The following SLC29A1 variants were observed in gnomAD, a reference collection of about 807,000 sequenced individuals.
SLC29A1 encodes the protein solute carrier family 29 member 1 (Augustine blood group), also known as equilibrative nucleoside transporter 1.
SLC29A1 carries 22 observed loss-of-function variants against 48.3 expected under a neutral mutation model. That is an observed-to-expected ratio of 0.46 (90% CI 0.33 to 0.65). SLC29A1 has a LOEUF of 0.65. Among genes scored for constraint, SLC29A1 ranks in the 30% least tolerant of loss-of-function variants. The probability of loss-of-function intolerance (pLI) is 0.03; values close to 1 mark genes in which losing one functional copy is unlikely to be tolerated. For missense variants in SLC29A1, 491 were observed against 575.3 expected, an observed-to-expected ratio of 0.85 and a Z score of 1.50; for synonymous variants, 228 against 231.0, an observed-to-expected ratio of 0.99 and a Z score of 0.12.
At chr6:44,231,191 G>A (rs190261372) in intron 8 of SLC29A1, among the ~76,000 whole-genome samples, 173 bp from the exon 9 acceptor site, 9 of 152,260 alleles carry the variant, frequency 5.9e-5, no homozygotes, top group African/African-American at 1.2e-4. Context: ...CCAGGCCCCC[G>A]GGTCTTGAGT....
At chr6:44,227,829 G>A (rs910422431) in intron 2 of SLC29A1, among the ~76,000 whole-genome samples, 1 of 152,210 alleles carries the variant, frequency 6.6e-6, no homozygotes, top group Non-Finnish European at 1.5e-5. Context: ...AGAAGAGGCT[G>A]TAGCTTAATT....
rs1174985797 is a variant in SLC29A1, at chr6:44,232,615, G to T, written c.1059+187G>T. On this transcript the variant is annotated intron_variant, in intron 11 of 12. Transcript: ENST00000371755. This position sits in a 1 kb window ranked among gnomAD's most constrained non-coding sequence, Gnocchi z 4.7. ...TGAATATATGTATATACACATACCTGCCCAGATCGAGATGTAGAATATTTC... is the reference window on the plus strand; with the variant it reads ...TGAATATATGTATATACACATACCTTCCCAGATCGAGATGTAGAATATTTC... The T allele has an allele frequency of 1.7e-4, 109 of 643,854 alleles. No homozygotes were observed. Among genetic ancestry groups the T allele is most frequent in the Non-Finnish European group, 2.5e-4 (94 of 369,974 alleles). The allele number at this position is 643,854 out of a possible 1,614,324, so 39.9% of individuals were successfully genotyped here. A position where few individuals can be genotyped will look rare whatever the true frequency, so the allele number is the denominator to read the frequency against.
chr6:44,231,669 C>T (rs1778923230), intron 9 of SLC29A1, among the ~76,000 whole-genome samples: 1 of 152,068 alleles, frequency 6.6e-6, no homozygotes, highest in Admixed American at 6.6e-5. Flanking sequence ...ACACTTGTTG[C>T]CCAGGCTGGA....
chr6:44,227,912 C>T (rs978443916), intron 2 of SLC29A1, among the ~76,000 whole-genome samples: 17 of 152,328 alleles, frequency 1.1e-4, no homozygotes, highest in Non-Finnish European at 1.6e-4. Context: ...TCCTTCAAAG[C>T]GTCAGGCTCT....
chr6:44,221,754 C>A, upstream of SLC29A1: 1 of 742,682 alleles, frequency 1.3e-6, no homozygotes, highest in Non-Finnish European at 2.0e-6. This position sits in a 1 kb window ranked among gnomAD's most constrained non-coding sequence, Gnocchi z 4.2. Flanking sequence ...TGGGAGGTGG[C>A]TACAGAGGGG....
chr6:44,231,278 G>A (rs748883987), intron 8 of SLC29A1, 86 bp from the exon 9 acceptor site: 95 of 899,082 alleles, frequency 1.1e-4, no homozygotes, highest in Middle Eastern at 6.6e-4. Flanking sequence ...CTACTTTCAA[G>A]TAATCCCAGC....
intron 8 of SLC29A1, 29 bp from the exon 9 acceptor site, chr6:44,231,335 A>G (rs1343417239): frequency 2.1e-6 from 3 of 1,447,452 alleles, no homozygotes; most frequent in African/African-American, 1.4e-5. Context: ...TGTCTTCCCC[A>G]CAACTTGGAG....
At chr6:44,230,266 G>T in intron 5 of SLC29A1, 81 bp from the exon 6 acceptor site, 2 of 1,562,578 alleles carry the variant, frequency 1.3e-6, no homozygotes, top group South Asian at 1.2e-5. Context: ...GAGTAAAGTA[G>T]GAATGACAGG....
Position 44,230,571 on chromosome 6 carries a change from G to T in SLC29A1, c.593G>T (p.Gly198Val). ...SVAMICAIAS[G>V]SELSESAFGY... ...CTGATCACTGACACCACCCCAGGTGGCTCGGAGCTATCAGAAAGTGCCTTC... is the reference window on the plus strand; with the variant it reads ...CTGATCACTGACACCACCCCAGGTGTCTCGGAGCTATCAGAAAGTGCCTTC... Residue 198 changes from glycine to valine, a missense_variant, in exon 7 of 13, where the codon GGC becomes GTC. Transcript: ENST00000371755. 1 of 1,614,124 alleles carries T rather than the reference G, an allele frequency of 6.2e-7. No homozygotes were observed. Among genetic ancestry groups the T allele is most frequent in the Non-Finnish European group, 8.5e-7 (1 of 1,179,986 alleles).
At chr6:44,231,871 A>C (rs1778970787) in intron 9 of SLC29A1, 127 bp from the exon 10 acceptor site, 3 of 654,784 alleles carry the variant, frequency 4.6e-6, no homozygotes, top group Non-Finnish European at 8.4e-6. Flanking sequence ...TGATCCACCC[A>C]CCTCGGCCTC....
chr6:44,232,147 T>A lies in SLC29A1; in HGVS notation c.973+41T>A, dbSNP rs958569315. 1 of 1,501,426 alleles carries A rather than the reference T, an allele frequency of 6.7e-7. No homozygotes were observed. Among genetic ancestry groups the A allele is most frequent in the Admixed American group, 1.7e-5 (1 of 59,768 alleles). The allele number at this position is 1,501,426 out of a possible 1,614,324, so 93.0% of individuals were successfully genotyped here. On this transcript the variant is annotated intron_variant, in intron 10 of 12. Coordinates refer to ENST00000371755, the MANE Select transcript of SLC29A1 (RefSeq NM_001372327.1). This position sits in a 1 kb window ranked among gnomAD's most constrained non-coding sequence, Gnocchi z 4.7. ...GTTTCCAGGATGGGAACAGACAGGA[T>A]CTTGAGTTGGGCTGGAAGTGGGGAA...
chr6:44,222,955 C>G (rs1776632727), upstream of SLC29A1, among the ~76,000 whole-genome samples: 1 of 152,252 alleles, frequency 6.6e-6, no homozygotes, highest in Admixed American at 6.5e-5. Context: ...GCACATACCC[C>G]CTCCAAGTCA....
At chr6:44,233,103 C>A in intron 12 of SLC29A1, 97 bp downstream of exon 12, 2 of 1,270,822 alleles carry the variant, frequency 1.6e-6, no homozygotes, top group South Asian at 1.2e-5. Flanking sequence ...AGAGTCCCTG[C>A]TCCCAGAGCT....
At position 44,234,138 on chromosome 6, in the gene SLC29A1, T is replaced by C. The variant is rs2153310139; in HGVS notation, c.*610T>C. The C allele has an allele frequency of 6.5e-6, 1 of 152,822 alleles. No individual in the cohort carries two copies. Among genetic ancestry groups the C allele is most frequent in the Admixed American group, 6.5e-5 (1 of 15,312 alleles). 9.5% of individuals were successfully genotyped at this position (152,822 alleles called of 1,614,324 possible). The stretch of plus-strand genomic sequence containing the variant: ...TGATTTAAATAAACCTTTCTTGTTT[T>C]TTTCTCCATGGCTCCCTGTGTCCTC... On this transcript the variant is annotated 3_prime_UTR_variant, in exon 13 of 13. Coordinates refer to ENST00000371755, the MANE Select transcript of SLC29A1 (RefSeq NM_001372327.1).
At chr6:44,225,454 C>T (rs150673023) in intron 1 of SLC29A1, among the ~76,000 whole-genome samples, 279 of 149,232 alleles carry the variant, frequency 1.9e-3, no homozygotes, top group African/African-American at 6.4e-3. Context: ...TGCAGTGAGC[C>T]GAGATCATGC....
At chr6:44,228,360 TG>T (rs1169923499) in intron 2 of SLC29A1, among the ~76,000 whole-genome samples, 1 of 152,222 alleles carries the variant, frequency 6.6e-6, no homozygotes, top group African/African-American at 2.4e-5. Context: ...CCTTCTGCTC[TG>T]GGCCTCCGAA....
intron 8 of SLC29A1, 23 bp from the exon 9 acceptor site, chr6:44,231,341 T>G: frequency 1.0e-5 from 15 of 1,481,224 alleles, no homozygotes; most frequent in East Asian, 2.3e-5. Flanking sequence ...CCCCACAACT[T>G]GGAGATTTCT....
Position 44,223,650 on chromosome 6 carries a change from CG to C in SLC29A1, c.-52+13del. 1.7e-6 allele frequency: 2 copies of C among 1,199,218 alleles called. No individual in the cohort carries two copies. The highest frequency in any genetic ancestry group is 1.4e-5 in the South Asian group (1 of 70,548). The allele number at this position is 1,199,218 out of a possible 1,614,324, so 74.3% of individuals were successfully genotyped here. A position where few individuals can be genotyped will look rare whatever the true frequency, so the allele number is the denominator to read the frequency against. On this transcript the variant is annotated intron_variant, in intron 1 of 12. Coordinates refer to ENST00000371755, the MANE Select transcript of SLC29A1 (RefSeq NM_001372327.1). The surrounding 1 kb of genome is among the most constrained non-coding windows in gnomAD (Gnocchi z 5.0). ...CAGTGCTTCTGCGGCAGGTGCTGCC[CG>C]GGGCCGGGGACTGGGGACTGGGGAC...
chr6:44,231,563 G>A, intron 9 of SLC29A1, 102 bp downstream of exon 9: 2 of 779,836 alleles, frequency 2.6e-6, no homozygotes, highest in African/African-American at 1.7e-5. Flanking sequence ...TGACCTGAGA[G>A]TGGTCACTCC....
Sources: gnomAD v4.1 joint callset for allele counts (sites outside exome capture counted in the v4.1 genomes callset) on GRCh38, gnomAD v4.1.1 for gene constraint, Gnocchi (gnomAD v3.1) non-coding constraint, MANE v1.5 for transcripts, NCBI Gene and HGNC (gene_info 2026-07-23, HGNC 2026-07-21) for gene names.